Variants in SLC13A5 observed in about 807,000 individuals in gnomAD.
The protein encoded by SLC13A5 is solute carrier family 13 member 5, also known as Na(+)/citrate cotransporter.
Under a neutral mutation model 56.5 loss-of-function variants are expected in SLC13A5, and 25 were observed. The observed-to-expected ratio is 0.44, with a 90% CI of 0.32 to 0.62. The LOEUF is 0.62. Among genes scored for constraint, SLC13A5 ranks in the 20% least tolerant of loss-of-function variants. The pLI is 0.04. For missense variants in SLC13A5, 649 were observed against 737.8 expected, an observed-to-expected ratio of 0.88 and a Z score of 1.39; for synonymous variants, 307 against 301.5, an observed-to-expected ratio of 1.02 and a Z score of -0.19.
In SLC13A5 at chr17:6,693,066, A is replaced by C. The variant is rs1348008249; in HGVS notation, c.1253T>G (p.Phe418Cys). Reference protein sequence around the residue: ...WGIVLLLGGGFALAKGSEASG... With the variant: ...WGIVLLLGGGCALAKGSEASG... The stretch of plus-strand genomic sequence containing the variant: ...TACCTCGGATCCTTTAGCCAGAGCA[A>C]ATCCGCCCCCTAGTAGCAGCACGAT... The change falls in exon 9 of 12, where the codon TTT (phenylalanine) becomes TGT (cysteine). Residue 418 changes from phenylalanine (F) to cysteine (C), a missense_variant. Physicochemically the swap from Phe to Cys is radical, Grantham distance 205 (BLOSUM62 -2). Coordinates refer to ENST00000433363, the MANE Select transcript of SLC13A5 (RefSeq NM_177550.5). 1.2e-6 allele frequency: 2 copies of C among 1,614,108 alleles called. No individual in the cohort carries two copies.
intron 10 of SLC13A5, chr17:6,688,378 A>G (rs1293410889): frequency 6.6e-6 from 1 of 152,266 alleles, no homozygotes; most frequent in Non-Finnish European, 1.5e-5. Context: ...ATAATGGAAT[A>G]GTATGCAGCT....
intron 4 of SLC13A5, among the ~76,000 whole-genome samples, chr17:6,703,409 C>T (rs142298462): frequency 5.0e-4 from 76 of 152,332 alleles, no homozygotes; most frequent in Admixed American, 2.1e-3. Context: ...ACACGGCAGA[C>T]GGCAAGGTAG....
intron 10 of SLC13A5, chr17:6,688,775 A>G (rs1973318620): frequency 6.6e-6 from 1 of 152,244 alleles, no homozygotes; most frequent in Non-Finnish European, 1.5e-5. Flanking sequence ...TGTCTCAAAA[A>G]AAGTGTGTGA....
intron 10 of SLC13A5, 147 bp downstream of exon 10, chr17:6,690,632 G>T: frequency 2.7e-6 from 3 of 1,110,436 alleles, no homozygotes; most frequent in Middle Eastern, 2.7e-4. Context: ...GGCATCCAGG[G>T]TCCACAAATC....
At chr17:6,698,202 G>A (rs531881862) in intron 6 of SLC13A5, among the ~76,000 whole-genome samples, 72 of 152,352 alleles carry the variant, frequency 4.7e-4, no homozygotes, top group Admixed American at 1.1e-3. Flanking sequence ...GTGGCCCGTC[G>A]GGAAGGGGAA....
rs769338448 is a variant in SLC13A5, at chr17:6,701,033, C to T, written c.810G>A (p.Leu270=). 1 of 1,614,072 alleles carries T rather than the reference C, an allele frequency of 6.2e-7. No individual in the cohort carries two copies. Among genetic ancestry groups the T allele is most frequent in the Non-Finnish European group, 8.5e-7 (1 of 1,180,042 alleles). Residue 270 remains leucine, a synonymous_variant, in exon 6 of 12, where the codon CTG becomes CTA. Transcript: ENST00000433363. This position sits in a 1 kb window ranked among gnomAD's most constrained non-coding sequence, Gnocchi z 4.1. The part of the protein sequence containing the change: ...NMLVMLLFAW[L]WLQFVYMRFN... ...ATCTCATGTAAACAAACTGGAGCCA[C>T]AGCCAGGCGAACAGCAGCATCACCA...
In SLC13A5 at chr17:6,686,123, C is replaced by G. The variant is rs568009581; in HGVS notation, c.*84G>C. 3 of 1,583,090 alleles carry G rather than the reference C, an allele frequency of 1.9e-6. No homozygotes were observed. The highest frequency in any genetic ancestry group is 2.3e-5 in the South Asian group (2 of 87,934). On this transcript the variant is annotated 3_prime_UTR_variant, in exon 12 of 12. Coordinates refer to ENST00000433363, the MANE Select transcript of SLC13A5 (RefSeq NM_177550.5). ...TCGTTGGGTCATTTTGGGGTGTGAA[C>G]CCCAAAACTCTGTACAAGGTGTGCC...
At position 6,692,231 on chromosome 17, in the gene SLC13A5, A is replaced by ATG. The variant is rs1555541171; in HGVS notation, c.1275+812_1275+813insCA. The stretch of plus-strand genomic sequence containing the variant: ...TAGATAGATGGGTGGATGGATGGAC[A>ATG]GATGGATGGATGGATGGATGGATGG... On this transcript the variant is annotated intron_variant, in intron 9 of 11. Transcript: ENST00000433363. This position sits in a 1 kb window ranked among gnomAD's most constrained non-coding sequence, Gnocchi z 5.5. 7.0e-6 allele frequency among the ~76,000 whole-genome samples: 1 copy of ATG among 143,814 alleles called. No homozygotes were observed. The highest frequency in any genetic ancestry group is 2.7e-5 in the African/African-American group (1 of 37,698). The allele number at this position is 143,814 out of a possible 152,430, so 94.3% of individuals were successfully genotyped here.
Position 6,709,769 on chromosome 17 carries a change from C to A in SLC13A5, c.103-2613G>T, listed in dbSNP as rs558901776. Reference sequence around the variant, plus strand: ...TGTTATCAGCCACAAAAAAATAAATCTTTTTTCAGCATCCCACGAGCAAAC... The same window carrying A: ...TGTTATCAGCCACAAAAAAATAAATATTTTTTCAGCATCCCACGAGCAAAC... On this transcript the variant is annotated intron_variant, in intron 1 of 11. Transcript: ENST00000433363. Among the ~76,000 whole-genome samples, 421 of 152,234 alleles carry A rather than the reference C, an allele frequency of 2.8e-3. 4 individuals are homozygous for A. Among genetic ancestry groups the A allele is most frequent in the Non-Finnish European group, 4.2e-3 (285 of 68,002 alleles).
chr17:6,690,675 T>C, intron 10 of SLC13A5, 104 bp downstream of exon 10: 1 of 1,517,548 alleles, frequency 6.6e-7, no homozygotes, highest in African/African-American at 1.4e-5. Flanking sequence ...CTCCAAAGCC[T>C]GGTCTGAGTC....
rs170149 is a variant in SLC13A5, at chr17:6,692,611, G to A, written c.1275+433C>T. ...TTCCAACATGTTCCTCACCTCCTAC[G>A]CTGCTACATACTTAGCTAAAGAAAA... On this transcript the variant is annotated intron_variant, in intron 9 of 11. Transcript: ENST00000433363. This position sits in a 1 kb window ranked among gnomAD's most constrained non-coding sequence, Gnocchi z 5.5. 0.13 allele frequency among the ~76,000 whole-genome samples: 19,256 copies of A among 152,150 alleles called. 1,747 individuals are homozygous for A. Among genetic ancestry groups the A allele is most frequent in the African/African-American group, 0.25 (10,285 of 41,474 alleles).
At chr17:6,703,790 A>G (rs913530219) in intron 4 of SLC13A5, 88 bp downstream of exon 4, 7 of 1,365,002 alleles carry the variant, frequency 5.1e-6, no homozygotes, top group Non-Finnish European at 5.8e-6. Context: ...GGAAGCAGAC[A>G]GGGAGAAGGA....
chr17:6,686,053 G>T lies in SLC13A5; in HGVS notation c.*154C>A. 1 of 1,066,624 alleles carries T rather than the reference G, an allele frequency of 9.4e-7. No individual in the cohort carries two copies. 66.1% of individuals were successfully genotyped at this position (1,066,624 alleles called of 1,614,324 possible). A position where few individuals can be genotyped will look rare whatever the true frequency, so the allele number is the denominator to read the frequency against. ...ATGACCATCTCTGCATCTGGGCTTG[G>T]AGGAAGAGGTGGCCCATTGGCTGGG... On this transcript the variant is annotated 3_prime_UTR_variant, in exon 12 of 12. Transcript: ENST00000433363.
chr17:6,707,055 T>C lies in SLC13A5; in HGVS notation c.204A>G (p.Pro68=), dbSNP rs1271534247. Residue 68 remains proline (P), a synonymous_variant, in exon 2 of 12, where the codon CCA becomes CCG. Transcript: ENST00000433363. The stretch of plus-strand genomic sequence containing the variant: ...GCCTGGAGTCCAGAATCTGGAAGAG[T>C]GGGAAAAGCAAGACAGGCATGAGAG... ...VTSLMPVLLF[P]LFQILDSRQV... is the part of the protein sequence containing the mutation. 6.2e-7 allele frequency: 1 copy of C among 1,612,852 alleles called. No individual in the cohort carries two copies.
Position 6,692,098 on chromosome 17 carries a change from A to T in SLC13A5, c.1275+946T>A, listed in dbSNP as rs1004929248. On this transcript the variant is annotated intron_variant, in intron 9 of 11. Coordinates refer to ENST00000433363, the MANE Select transcript of SLC13A5 (RefSeq NM_177550.5). The surrounding 1 kb of genome is among the most constrained non-coding windows in gnomAD (Gnocchi z 5.5). ...CCTGGCATAACACTAGGGACATAAT[A>T]GGAATGTTGGATGGATGGATGGATA... is the stretch of plus-strand genomic sequence containing the variant. Among the ~76,000 whole-genome samples, 2 of 151,416 alleles carry T rather than the reference A, an allele frequency of 1.3e-5. No individual in the cohort carries two copies. The highest frequency in any genetic ancestry group is 2.9e-5 in the Non-Finnish European group (2 of 67,936).
At chr17:6,708,418 G>A (rs1199630209) in intron 1 of SLC13A5, among the ~76,000 whole-genome samples, 2 of 152,210 alleles carry the variant, frequency 1.3e-5, no homozygotes, top group East Asian at 3.8e-4. Flanking sequence ...TGACTCGAAA[G>A]CACAAACAGT....
At position 6,686,310 on chromosome 17, in the gene SLC13A5, A is replaced by G. The variant is rs763819344; in HGVS notation, c.1604T>C (p.Ile535Thr). 8 of 1,614,112 alleles carry G rather than the reference A, an allele frequency of 5.0e-6. No homozygotes were observed. The highest frequency in any genetic ancestry group is 1.1e-5 in the South Asian group (1 of 91,074). The change falls in exon 12 of 12, where the codon ATT (isoleucine) becomes ACT (threonine). Residue 535 changes from isoleucine to threonine, a missense_variant. Ile to Thr is a moderately conservative substitution (Grantham distance 89). Coordinates refer to ENST00000433363, the MANE Select transcript of SLC13A5 (RefSeq NM_177550.5). ...AGCCAAAAACACACAGAAGACTCCA[A>G]TTATGTTCATTATGACTCCTGTTTT... ...MVKTGVIMNI[I>T]GVFCVFLAVN...
chr17:6,691,525 A>G (rs16956158), intron 9 of SLC13A5, among the ~76,000 whole-genome samples: 37,813 of 152,192 alleles, frequency 0.25, 5,440 homozygotes, highest in East Asian at 0.64. Flanking sequence ...GAAGTGTAAA[A>G]AGAGGAGAGG....
chr17:6,709,160 AT>A (rs1973950458), intron 1 of SLC13A5, among the ~76,000 whole-genome samples: 1 of 151,950 alleles, frequency 6.6e-6, no homozygotes, highest in Non-Finnish European at 1.5e-5. Flanking sequence ...AATCAACATT[AT>A]TCAAGAACCT....
Sources: allele counts gnomAD v4.1 joint callset (sites outside exome capture counted in the v4.1 genomes callset), GRCh38; gene constraint gnomAD v4.1.1; non-coding constraint Gnocchi (gnomAD v3.1); transcripts MANE v1.5; gene names NCBI Gene and HGNC (gene_info 2026-07-23, HGNC 2026-07-21).